The following HAT1 variants were observed in gnomAD, a reference collection of about 807,000 sequenced individuals.
The protein encoded by HAT1 is histone acetyltransferase type B catalytic subunit.
In HAT1, 20 loss-of-function variants were observed where a neutral mutation model predicts 56.6. The observed-to-expected ratio is 0.35, with a 90% CI of 0.25 to 0.51. The LOEUF is 0.51. Among genes scored for constraint, HAT1 ranks in the 20% least tolerant of loss-of-function variants. The pLI is 0.95. For missense variants in HAT1, 408 were observed against 504.3 expected, an observed-to-expected ratio of 0.81 and a Z score of 1.83; for synonymous variants, 146 against 165.5, an observed-to-expected ratio of 0.88 and a Z score of 0.91.
intron 4 of HAT1, among the ~76,000 whole-genome samples, chr2:171,956,532 A>G (rs1165120681): frequency 6.6e-6 from 1 of 152,114 alleles, no homozygotes. Flanking sequence ...ACAAACAAAC[A>G]AAAGAACTGC....
intron 4 of HAT1, among the ~76,000 whole-genome samples, chr2:171,955,617 AAAATAAAT>A (rs200706048): frequency 6.6e-6 from 1 of 152,144 alleles, no homozygotes; most frequent in Non-Finnish European, 1.5e-5. Context: ...CTCCATCTCA[AAAATAAAT>A]AAATAAATAA....
chr2:171,978,888 T>C (rs1688056194), intron 9 of HAT1, among the ~76,000 whole-genome samples: 1 of 135,772 alleles, frequency 7.4e-6, no homozygotes, highest in South Asian at 2.3e-4. Context: ...GAGTTGAAGA[T>C]CAGCCTGGGC....
chr2:171,965,660 C>A (rs1687666912), intron 5 of HAT1, 127 bp from the exon 6 acceptor site: 1 of 1,007,652 alleles, frequency 9.9e-7, no homozygotes, highest in Non-Finnish European at 1.5e-6. Context: ...GTGTGTATGT[C>A]TGTATCTATG....
In HAT1 at chr2:171,965,821, A is replaced by C; in HGVS notation, c.524A>C (p.His175Pro). The change falls in exon 6 of 11, where the codon CAT becomes CCT. Residue 175 changes from histidine to proline, a missense_variant. Coordinates refer to ENST00000264108, the MANE Select transcript of HAT1 (RefSeq NM_003642.4). ...ACATGTAGAGGCTTTCGAGAATATC[A>C]TGAAAGGCTTCAGACCTTTTTGATG... ...DMTCRGFREYHERLQTFLMWF... is the reference protein window; with the variant it reads ...DMTCRGFREYPERLQTFLMWF... The C allele has an allele frequency of 1.2e-6, 2 of 1,612,994 alleles. No homozygotes were observed. The highest frequency in any genetic ancestry group is 1.7e-6 in the Non-Finnish European group (2 of 1,179,066).
At chr2:171,965,547 A>G in intron 5 of HAT1, 30 bp downstream of exon 5, 4 of 1,372,258 alleles carry the variant, frequency 2.9e-6, no homozygotes, top group Non-Finnish European at 4.0e-6. Flanking sequence ...TTTATTGAGT[A>G]AAGTTCTATT....
chr2:171,924,453 A>T (rs113267441), intron 1 of HAT1: 1 of 152,134 alleles, frequency 6.6e-6, no homozygotes, highest in African/African-American at 2.4e-5. Flanking sequence ...TCGGCCTCCC[A>T]AAGTGCTGAA....
rs372856571 is a variant in HAT1, at chr2:171,965,922, T to G, written c.611+14T>G. The G allele has an allele frequency of 1.9e-6, 3 of 1,608,118 alleles. No homozygotes were observed. The highest frequency in any genetic ancestry group is 2.6e-6 in the Non-Finnish European group (3 of 1,175,864). ...CTACTTTCTAGTGTAAGTACAGTTC[T>G]AAAGCAACAGTAGACCTTATTACCT... On this transcript the variant is annotated intron_variant, in intron 6 of 10. Coordinates refer to ENST00000264108, the MANE Select transcript of HAT1 (RefSeq NM_003642.4).
At chr2:171,968,712 G>A (rs1687740845) in intron 8 of HAT1, among the ~76,000 whole-genome samples, 2 of 152,074 alleles carry the variant, frequency 1.3e-5, no homozygotes, top group South Asian at 4.1e-4. Flanking sequence ...CTTATCAGCT[G>A]TTCTCATTAA....
At chr2:171,924,046 TAGTC>T (rs1686511503) in intron 1 of HAT1, 1 of 152,180 alleles carries the variant, frequency 6.6e-6, no homozygotes, top group Non-Finnish European at 1.5e-5. Flanking sequence ...GTGTGTGAAA[TAGTC>T]AGAATCCAGG....
intron 4 of HAT1, among the ~76,000 whole-genome samples, chr2:171,961,347 T>C (rs1293548526): frequency 1.3e-5 from 2 of 152,190 alleles, no homozygotes; most frequent in African/African-American, 2.4e-5. Flanking sequence ...GTAATTTCAT[T>C]GCCTTTTAGT....
intron 4 of HAT1, 183 bp from the exon 5 acceptor site, chr2:171,965,154 CA>C: frequency 1.8e-6 from 1 of 557,246 alleles, no homozygotes; most frequent in Non-Finnish European, 3.2e-6. Context: ...ATGCTCATCT[CA>C]GTTTTGTGTG....
chr2:171,934,269 G>C (rs1469717532), intron 2 of HAT1, among the ~76,000 whole-genome samples: 4 of 152,158 alleles, frequency 2.6e-5, no homozygotes, highest in African/African-American at 9.7e-5. Context: ...CAGAGAAGGG[G>C]GAAATAATAC....
rs575646212 is a variant in HAT1 at position 171,957,324 on chromosome 2, C to T, written c.309+4323C>T. Among the ~76,000 whole-genome samples the T allele has an allele frequency of 3.9e-5, 6 of 152,286 alleles. No individual in the cohort carries two copies. In the South Asian group the frequency reaches 1.2e-3, roughly 32 times the overall value. On this transcript the variant is annotated intron_variant, in intron 4 of 10. Transcript: ENST00000264108. ...AGGCCTTGAAACCTAATGGAGTTTG[C>T]CATGCTGAATTTTGAAATTGCTTGG...
At chr2:171,924,878 C>G (rs1254039649) in intron 1 of HAT1, 1 of 152,138 alleles carries the variant, frequency 6.6e-6, no homozygotes, top group East Asian at 1.9e-4. Context: ...TCTCATTTTG[C>G]TTTTTACATC....
At chr2:171,945,035 C>A (rs1401604826) in intron 2 of HAT1, among the ~76,000 whole-genome samples, 1 of 152,040 alleles carries the variant, frequency 6.6e-6, no homozygotes, top group Non-Finnish European at 1.5e-5. Context: ...CCATGCCTGG[C>A]TAATTTTTGT....
chr2:171,978,174 C>T (rs1358964174), intron 9 of HAT1, among the ~76,000 whole-genome samples: 1 of 151,492 alleles, frequency 6.6e-6, no homozygotes, highest in East Asian at 1.9e-4. Flanking sequence ...AAATGACTCT[C>T]CCACCTCAGC....
Position 171,965,801 on chromosome 2 carries a change from T to G in HAT1, c.504T>G (p.Cys168Trp), listed in dbSNP as rs569714151. 6.2e-7 allele frequency: 1 copy of G among 1,613,504 alleles called. No individual in the cohort carries two copies. Among genetic ancestry groups the G allele is most frequent in the East Asian group, 2.2e-5 (1 of 44,864 alleles). The change falls in exon 6 of 11, where the codon TGT becomes TGG. Residue 168 changes from cysteine to tryptophan, a missense_variant. Cys to Trp is a radical substitution (Grantham distance 215, BLOSUM62 -2). Coordinates refer to ENST00000264108, the MANE Select transcript of HAT1 (RefSeq NM_003642.4). ...TFQIYKADMT[C>W]RGFREYHERL... ...TTTTTCCCTAGGCTGACATGACATGTAGAGGCTTTCGAGAATATCATGAAA... is the reference window on the plus strand; with the variant it reads ...TTTTTCCCTAGGCTGACATGACATGGAGAGGCTTTCGAGAATATCATGAAA...
intron 3 of HAT1, 131 bp from the exon 4 acceptor site, chr2:171,952,750 G>A (rs1687338844): frequency 1.9e-6 from 1 of 518,304 alleles, no homozygotes; most frequent in Non-Finnish European, 3.4e-6. Flanking sequence ...ACATTTTATT[G>A]TAGATTTTTT....
At chr2:171,976,738 A>C (rs898524332) in intron 9 of HAT1, among the ~76,000 whole-genome samples, 2 of 152,194 alleles carry the variant, frequency 1.3e-5, no homozygotes, top group Non-Finnish European at 2.9e-5. Flanking sequence ...AAATGTCTTA[A>C]GATAGGTACA....
Sources: allele counts gnomAD v4.1 joint callset (sites outside exome capture counted in the v4.1 genomes callset), GRCh38; gene constraint gnomAD v4.1.1; transcripts MANE v1.5; gene names NCBI Gene and HGNC (gene_info 2026-07-23, HGNC 2026-07-21).